DOCK1: variants seen among roughly 807,000 people sequenced by gnomAD.
DOCK1 encodes the protein dedicator of cytokinesis protein 1.
In DOCK1, 138 loss-of-function variants were observed where a neutral mutation model predicts 262.7. The ratio of observed to expected loss-of-function variants is 0.53; its 90% CI spans 0.46 to 0.61. DOCK1 has a LOEUF of 0.61. Among genes scored for constraint, DOCK1 ranks in the 20% least tolerant of loss-of-function variants. The pLI is 0.00. For missense variants in DOCK1, 1,908 were observed against 2,370.7 expected (o/e 0.80, Z 4.05); for synonymous variants, 866 against 867.4 (o/e 1.00, Z 0.03).
chr10:127,361,606 G>A (rs538551992), intron 32 of DOCK1, among the ~76,000 whole-genome samples: 7 of 152,064 alleles, frequency 4.6e-5, no homozygotes, highest in Non-Finnish European at 8.8e-5. Context: ...TTCATAAGAT[G>A]TGGGAGATAA....
At chr10:127,266,218 G>T (rs2060349564) in intron 29 of DOCK1, among the ~76,000 whole-genome samples, 1 of 152,228 alleles carries the variant, frequency 6.6e-6, no homozygotes, top group Admixed American at 6.5e-5. Context: ...TGTGCAGGTT[G>T]AAATCATGGT....
At chr10:127,104,760 A>G (rs2048436119) in intron 23 of DOCK1, among the ~76,000 whole-genome samples, 1 of 152,182 alleles carries the variant, frequency 6.6e-6, no homozygotes, top group Non-Finnish European at 1.5e-5. Context: ...GATCACTTAA[A>G]ATCTGGCAAC....
Position 126,984,974 on chromosome 10 carries a change from C to CTTT in DOCK1, c.228-2525_228-2523dup, listed in dbSNP as rs553086410. Among the ~76,000 whole-genome samples, 260 of 85,078 alleles carry CTTT rather than the reference C, an allele frequency of 3.1e-3. 1 individual carries two copies. The highest frequency in any genetic ancestry group is 9.3e-3 in the Middle Eastern group (1 of 108). 55.8% of individuals were successfully genotyped at this position (85,078 alleles called of 152,430 possible). On this transcript the variant is annotated intron_variant, in intron 4 of 51. Coordinates refer to ENST00000623213, the MANE Select transcript of DOCK1 (RefSeq NM_001290223.2). ...TCTCCCCACTCCCCTATGTCCCATT[C>CTTT]TTTTTTTTTTTTTTTTTTTTTTTTG...
At chr10:127,392,653 C>T (rs2066551594) in intron 38 of DOCK1, among the ~76,000 whole-genome samples, 2 of 152,132 alleles carry the variant, frequency 1.3e-5, no homozygotes, top group Admixed American at 1.3e-4. Context: ...CACAAAGTTC[C>T]TTATTTGGGG....
At chr10:127,377,097 G>A (rs2065538528) in intron 35 of DOCK1, among the ~76,000 whole-genome samples, 1 of 152,210 alleles carries the variant, frequency 6.6e-6, no homozygotes. Flanking sequence ...TGAATCATTT[G>A]ATGAAAAATC....
intron 27 of DOCK1, among the ~76,000 whole-genome samples, chr10:127,167,944 T>C (rs1413265863): frequency 6.6e-6 from 1 of 152,190 alleles, no homozygotes; most frequent in East Asian, 1.9e-4. Flanking sequence ...AGTAGCAAAG[T>C]AACCTCAAAG....
At chr10:127,121,962 A>T (rs988757942) in intron 25 of DOCK1, among the ~76,000 whole-genome samples, 1 of 152,234 alleles carries the variant, frequency 6.6e-6, no homozygotes, top group Non-Finnish European at 1.5e-5. Context: ...GTGCTTGGAT[A>T]TGCCATTTAA....
intron 27 of DOCK1, among the ~76,000 whole-genome samples, chr10:127,201,522 A>G (rs1311399961): frequency 4.6e-5 from 7 of 152,342 alleles, no homozygotes; most frequent in Middle Eastern, 3.4e-3. Context: ...CTGGCTTTCT[A>G]TGATGCATCA....
chr10:127,155,796 G>A (rs1465539643), intron 27 of DOCK1, among the ~76,000 whole-genome samples: 7 of 152,096 alleles, frequency 4.6e-5, no homozygotes, highest in African/African-American at 9.7e-5. Context: ...ACTGGAGCTC[G>A]GCTCTAAGCT....
intron 31 of DOCK1, 67 bp from the exon 32 acceptor site, chr10:127,354,601 AT>A: frequency 1.1e-5 from 17 of 1,596,298 alleles, no homozygotes; most frequent in Non-Finnish European, 1.5e-5. Flanking sequence ...GCACTTAAAA[AT>A]AATTCCAGTC....
At chr10:127,206,700 A>G (rs1187459178) in intron 27 of DOCK1, among the ~76,000 whole-genome samples, 1 of 152,194 alleles carries the variant, frequency 6.6e-6, no homozygotes, top group Non-Finnish European at 1.5e-5. Flanking sequence ...AGAGCCAGAC[A>G]CTGTGTTAGC....
At chr10:126,921,230 GTAGT>G (rs1386213609) in intron 1 of DOCK1, among the ~76,000 whole-genome samples, 73 of 148,492 alleles carry the variant, frequency 4.9e-4, no homozygotes, top group African/African-American at 1.7e-3. Context: ...GTTCAAACAA[GTAGT>G]TATTTACAAT....
chr10:127,403,497 C>T (rs151044411), intron 39 of DOCK1, among the ~76,000 whole-genome samples: 490 of 152,316 alleles, frequency 3.2e-3, no homozygotes, highest in African/African-American at 0.011. Flanking sequence ...CACTGGCTCA[C>T]GCCTGTAATC....
intron 29 of DOCK1, among the ~76,000 whole-genome samples, chr10:127,284,830 G>A (rs1020377577): frequency 2.0e-5 from 3 of 152,108 alleles, no homozygotes; most frequent in Non-Finnish European, 4.4e-5. Flanking sequence ...TCTTTATGGT[G>A]TGTTTTAGAT....
chr10:126,942,259 G>A (rs999084734), intron 1 of DOCK1, among the ~76,000 whole-genome samples: 4 of 152,152 alleles, frequency 2.6e-5, no homozygotes, highest in Non-Finnish European at 4.4e-5. Context: ...TCCTGACCTC[G>A]TGATTCACCT....
chr10:127,372,770 G>A (rs140485923), intron 33 of DOCK1, among the ~76,000 whole-genome samples: 4 of 152,332 alleles, frequency 2.6e-5, no homozygotes, highest in East Asian at 1.9e-4. Context: ...TGCCCATGGC[G>A]TACTTGCTTT....
intron 19 of DOCK1, among the ~76,000 whole-genome samples, chr10:127,040,623 A>C (rs2043956481): frequency 6.6e-6 from 1 of 152,164 alleles, no homozygotes; most frequent in African/African-American, 2.4e-5. Flanking sequence ...GAGATCTTCC[A>C]TGCCATCCCA....
Position 127,447,407 on chromosome 10 carries a change from C to A in DOCK1, c.5427C>A (p.Asn1809Lys). 1.9e-6 allele frequency: 3 copies of A among 1,612,614 alleles called. No individual in the cohort carries two copies. Among genetic ancestry groups the A allele is most frequent in the Non-Finnish European group, 2.5e-6 (3 of 1,179,304 alleles). Residue 1809 changes from asparagine (N) to lysine (K), a missense_variant, in exon 51 of 52, where the codon AAC (asparagine) becomes AAA (lysine). Around this residue, in one of 9 missense-constraint regions of DOCK1, gnomAD observed 383 missense variants for 420.1 expected, o/e 0.91. Transcript: ENST00000623213. ...CCGGTTTTCCAGGCTTGGAGCTGAA[C>A]GGCATGACGGGGGCGGACGTGGCCG... ...SFSMQSSLELNGMTGADVADV... is the reference protein window; with the variant it reads ...SFSMQSSLELKGMTGADVADV...
chr10:127,080,613 A>G (rs1421765765), intron 23 of DOCK1, among the ~76,000 whole-genome samples: 1 of 152,022 alleles, frequency 6.6e-6, no homozygotes, highest in Non-Finnish European at 1.5e-5. Flanking sequence ...GGCTCATGAC[A>G]TCGTGCAGAG....
Sources: gnomAD v4.1 joint callset for allele counts (sites outside exome capture counted in the v4.1 genomes callset) on GRCh38, gnomAD v4.1.1 for gene constraint, gnomAD v4.1.1 regional missense constraint, MANE v1.5 for transcripts, NCBI Gene and HGNC (gene_info 2026-07-23, HGNC 2026-07-21) for gene names.